The following LINGO2 variants were observed in gnomAD, a reference collection of about 807,000 sequenced individuals.
LINGO2 encodes the protein leucine-rich repeat and immunoglobulin-like domain-containing nogo receptor-interacting protein 2.
In LINGO2, 14 loss-of-function variants were observed where a neutral mutation model predicts 30.6. The observed-to-expected ratio is 0.46, with a 90% CI of 0.30 to 0.72. The LOEUF (loss-of-function observed/expected upper bound fraction) is 0.72. Ranked by LOEUF, LINGO2 falls within the 30% of genes least tolerant of loss-of-function variation. The pLI is 0.07. For missense variants in LINGO2, 729 were observed against 751.7 expected (o/e 0.97, Z 0.35); for synonymous variants, 317 against 288.5 (o/e 1.10, Z -1.00).
chr9:28,789,591 T>C, the LINGO2 span, among the ~76,000 whole-genome samples: 14 of 152,130 alleles, frequency 9.2e-5, no homozygotes, highest in Non-Finnish European at 2.1e-4. Context: ...GAATTGAACA[T>C]GTCATGAATA....
At chr9:29,129,684 G>GA in the LINGO2 span, among the ~76,000 whole-genome samples, 1 of 152,040 alleles carries the variant, frequency 6.6e-6, no homozygotes, top group African/African-American at 2.4e-5. Context: ...TTACGTAAAA[G>GA]TTAAGTCAAA....
At chr9:28,219,347 T>A (rs974928410) in intron 4 of LINGO2, among the ~76,000 whole-genome samples, 1 of 152,180 alleles carries the variant, frequency 6.6e-6, no homozygotes, top group Non-Finnish European at 1.5e-5. Context: ...TGGGGCTTCT[T>A]GTTCAGTTAC....
At chr9:28,503,900 A>G (rs1819995303) in intron 1 of LINGO2, among the ~76,000 whole-genome samples, 1 of 151,906 alleles carries the variant, frequency 6.6e-6, no homozygotes, top group Non-Finnish European at 1.5e-5. Flanking sequence ...CAGATTGACC[A>G]ATAAATAAGA....
rs148628362 is a variant in LINGO2, at chr9:28,384,050, T to C, written c.-278-11182A>G. Among the ~76,000 whole-genome samples the C allele has an allele frequency of 1.2e-3, 184 of 152,174 alleles. No homozygotes were observed. The Middle Eastern group carries it at 0.02, about 17-fold the overall frequency. On this transcript the variant is annotated intron_variant, in intron 2 of 5. Coordinates refer to ENST00000379992, the Ensembl canonical transcript of LINGO2. ...AAATAAAACATTACACAATACAACA[T>C]ATGTGAACATCTATAAATATTATAT...
chr9:29,117,737 C>G, the LINGO2 span, among the ~76,000 whole-genome samples: 1 of 152,168 alleles, frequency 6.6e-6, no homozygotes, highest in Non-Finnish European at 1.5e-5. Context: ...GGTGTGGCAG[C>G]GTTGTCATCT....
At chr9:28,697,620 T>G in the LINGO2 span, among the ~76,000 whole-genome samples, 3 of 151,924 alleles carry the variant, frequency 2.0e-5, no homozygotes, top group Non-Finnish European at 4.4e-5. Context: ...TGAAATATAT[T>G]TGTCCATATT....
intron 2 of LINGO2, among the ~76,000 whole-genome samples, chr9:28,447,503 C>T (rs1297079046): frequency 6.6e-6 from 1 of 152,274 alleles, no homozygotes; most frequent in Non-Finnish European, 1.5e-5. Flanking sequence ...ATAAGCCACA[C>T]AGTTTATTGT....
chr9:28,560,759 C>T (rs990382587), intron 1 of LINGO2, among the ~76,000 whole-genome samples: 3 of 151,878 alleles, frequency 2.0e-5, no homozygotes, highest in Admixed American at 1.3e-4. Context: ...TTCCACCTCC[C>T]CAGCTCAAGC....
At chr9:28,816,266 C>A in the LINGO2 span, among the ~76,000 whole-genome samples, 1 of 152,188 alleles carries the variant, frequency 6.6e-6, no homozygotes, top group African/African-American at 2.4e-5. Flanking sequence ...ATTTAAACCA[C>A]AGAAATAAGA....
chr9:29,133,788 G>C, the LINGO2 span, among the ~76,000 whole-genome samples: 6 of 152,092 alleles, frequency 3.9e-5, no homozygotes, highest in South Asian at 1.0e-3. Flanking sequence ...ACATAAATAG[G>C]TGTTTTTGTT....
the LINGO2 span, among the ~76,000 whole-genome samples, chr9:29,050,828 G>A: frequency 6.6e-6 from 1 of 152,030 alleles, no homozygotes; most frequent in Non-Finnish European, 1.5e-5. Flanking sequence ...ATGTCTTTAA[G>A]CCTCAATTTA....
At chr9:27,948,765 G>A in exon 6 of LINGO2, 1 of 1,447,496 alleles carries the variant, frequency 6.9e-7, no homozygotes, top group African/African-American at 1.4e-5. Flanking sequence ...GCACATGGCT[G>A]CCTCTTAATC....
chr9:28,590,935 T>C (rs1452714424), intron 1 of LINGO2, among the ~76,000 whole-genome samples: 2 of 152,116 alleles, frequency 1.3e-5, no homozygotes, highest in African/African-American at 4.8e-5. Flanking sequence ...TAGACTGCGT[T>C]AAGAAAATGT....
In LINGO2 at chr9:28,254,102, C is replaced by A. The variant is rs537239289; in HGVS notation, c.-87+41106G>T. ...GTGTGACAAGGACCCCCGTCTTTAG[C>A]TGAACTAAGGAGAAAGTCCTACAAC... On this transcript the variant is annotated intron_variant, in intron 4 of 5. Coordinates refer to ENST00000379992, the Ensembl canonical transcript of LINGO2. 4.6e-5 allele frequency among the ~76,000 whole-genome samples: 7 copies of A among 152,166 alleles called. No individual in the cohort carries two copies. In the East Asian group the frequency reaches 1.4e-3, roughly 29 times the overall value.
At chr9:29,020,845 G>C in the LINGO2 span, among the ~76,000 whole-genome samples, 1 of 151,954 alleles carries the variant, frequency 6.6e-6, no homozygotes, top group Non-Finnish European at 1.5e-5. Flanking sequence ...AGCAAAGGGT[G>C]GGGGGAAAAG....
chr9:28,364,110 T>A (rs1820564062), intron 3 of LINGO2, among the ~76,000 whole-genome samples: 1 of 152,156 alleles, frequency 6.6e-6, no homozygotes, highest in Non-Finnish European at 1.5e-5. Flanking sequence ...TAAATAGTCA[T>A]AATTCTAAAC....
At chr9:29,108,832 G>A in the LINGO2 span, among the ~76,000 whole-genome samples, 1 of 152,154 alleles carries the variant, frequency 6.6e-6, no homozygotes. Flanking sequence ...AATGAAGCAG[G>A]TGACATGAAT....
the LINGO2 span, among the ~76,000 whole-genome samples, chr9:29,030,286 A>G: frequency 2.3e-5 from 3 of 132,488 alleles, no homozygotes; most frequent in South Asian, 2.4e-4. Flanking sequence ...ACTGGCCCCA[A>G]TTATGTAATT....
intron 4 of LINGO2, among the ~76,000 whole-genome samples, chr9:28,092,374 T>A (rs370492417): frequency 3.3e-5 from 5 of 151,746 alleles, no homozygotes; most frequent in African/African-American, 9.7e-5. Context: ...CCATAAAAAA[T>A]GATGAGTTCA....
Sources: gnomAD v4.1 joint callset for allele counts (sites outside exome capture counted in the v4.1 genomes callset) on GRCh38, gnomAD v4.1.1 for gene constraint, MANE v1.5 for transcripts, NCBI Gene and HGNC (gene_info 2026-07-23, HGNC 2026-07-21) for gene names.